Variants in VPS26A observed in about 807,000 individuals in gnomAD.
VPS26A encodes the protein VPS26 retromer complex component A, also known as vacuolar protein sorting-associated protein 26A.
A neutral mutation model predicts 42.4 loss-of-function variants in VPS26A; 22 were observed. The ratio of observed to expected loss-of-function variants is 0.52; its 90% CI spans 0.37 to 0.74. The LOEUF (loss-of-function observed/expected upper bound fraction) is 0.74, where lower values mean the gene tolerates loss of function less well. VPS26A is among the 30% of genes least tolerant of loss of function. The pLI is 0.00. For synonymous variants in VPS26A, 110 were observed against 123.5 expected (o/e 0.89, Z 0.73); for missense variants, 276 against 379.2 (o/e 0.73, Z 2.26).
chr10:69,161,743 T>G, intron 5 of VPS26A: 1 of 376,802 alleles, frequency 2.7e-6, no homozygotes, highest in South Asian at 2.4e-5. Context: ...CTCATCACAA[T>G]TAGATGCAAG....
At chr10:69,132,194 C>G (rs1840794269) in intron 1 of VPS26A, among the ~76,000 whole-genome samples, 1 of 152,066 alleles carries the variant, frequency 6.6e-6, no homozygotes, top group Non-Finnish European at 1.5e-5. Context: ...ATAAAAGAAC[C>G]TCATAAATAA....
At chr10:69,169,073 G>C (rs1841757064) in intron 8 of VPS26A, among the ~76,000 whole-genome samples, 1 of 146,246 alleles carries the variant, frequency 6.8e-6, no homozygotes, top group African/African-American at 2.5e-5. Flanking sequence ...TAGAGACAGA[G>C]TCTCACTGTG....
At position 69,132,954 on chromosome 10, in the gene VPS26A, T is replaced by TG; in HGVS notation, c.64dup (p.Glu22GlyfsTer11). On this transcript the variant is annotated frameshift_variant, in exon 2 of 9. Coordinates refer to ENST00000263559, the MANE Select transcript of VPS26A (RefSeq NM_004896.5). LOFTEE classifies it high-confidence loss of function. ...GTGAGATCGATATTGTTCTTAATGA[T>TG]GGGGAAACCAGGAAAATGGCAGAAA... is the stretch of plus-strand genomic sequence containing the variant. 6.2e-7 allele frequency: 1 copy of TG among 1,612,120 alleles called. No homozygotes were observed. Among genetic ancestry groups the TG allele is most frequent in the Non-Finnish European group, 8.5e-7 (1 of 1,179,612 alleles).
chr10:69,137,222 A>G (rs1840933367), intron 2 of VPS26A, among the ~76,000 whole-genome samples: 1 of 152,202 alleles, frequency 6.6e-6, no homozygotes, highest in Non-Finnish European at 1.5e-5. Flanking sequence ...TGCCCTATTG[A>G]AGCTCTAGTT....
intron 8 of VPS26A, 76 bp downstream of exon 8, chr10:69,168,707 A>C: frequency 6.5e-7 from 1 of 1,541,240 alleles, no homozygotes; most frequent in African/African-American, 1.4e-5. Context: ...TCTAAGCTTC[A>C]CTGTACTGAG....
chr10:69,156,585 C>G (rs917741399), intron 3 of VPS26A, among the ~76,000 whole-genome samples: 5 of 152,010 alleles, frequency 3.3e-5, no homozygotes, highest in Non-Finnish European at 7.4e-5. Context: ...CATGTCTATT[C>G]TGACTGAGAG....
At chr10:69,167,742 C>CAAAA (rs35974356) in intron 7 of VPS26A, among the ~76,000 whole-genome samples, 51 of 66,254 alleles carry the variant, frequency 7.7e-4, no homozygotes, top group Admixed American at 7.8e-4. Context: ...GACTCCATCT[C>CAAAA]AAAAAAAAAA....
At chr10:69,162,630 A>G in intron 6 of VPS26A, 118 bp downstream of exon 6, 1 of 553,012 alleles carries the variant, frequency 1.8e-6, no homozygotes, top group East Asian at 3.5e-5. Context: ...TTGCTAGTTA[A>G]TATTGCTGGC....
rs1337247171 is a variant in VPS26A, at chr10:69,155,793, T to C, written c.154-19T>C. On this transcript the variant is annotated intron_variant, in intron 2 of 8. Coordinates refer to ENST00000263559, the MANE Select transcript of VPS26A (RefSeq NM_004896.5). ...CTCATAGGATTGTTAACATCTCTTA[T>C]AATTTCATGTTTTGGCAGGTAAACC... 5.0e-6 allele frequency: 8 copies of C among 1,603,998 alleles called. No individual in the cohort carries two copies. The highest frequency in any genetic ancestry group is 6.8e-6 in the Non-Finnish European group (8 of 1,172,664).
intron 2 of VPS26A, among the ~76,000 whole-genome samples, chr10:69,138,562 A>G (rs977173473): frequency 6.6e-6 from 1 of 152,222 alleles, no homozygotes; most frequent in African/African-American, 2.4e-5. Flanking sequence ...AGTTGCATGC[A>G]AAGATTGCTC....
chr10:69,154,260 G>C (rs1458761539), intron 2 of VPS26A, among the ~76,000 whole-genome samples: 1 of 152,220 alleles, frequency 6.6e-6, no homozygotes, highest in Non-Finnish European at 1.5e-5. Context: ...GATCTGGCTG[G>C]GCGTGATGAC....
At position 69,157,180 on chromosome 10, in the gene VPS26A, T is replaced by C. The variant is rs554568241; in HGVS notation, c.386+17T>C. The stretch of plus-strand genomic sequence containing the variant: ...CCGCTTGAGGTATGAATGTGTATTA[T>C]AAACTGTAAACAGAATCAAAACCAG... On this transcript the variant is annotated intron_variant, in intron 4 of 8. Transcript: ENST00000263559. The C allele has an allele frequency of 1.1e-5, 17 of 1,589,516 alleles. No individual in the cohort carries two copies. The African/African-American group carries it at 2.2e-4, about 20-fold the overall frequency.
chr10:69,170,886 G>A (rs1841799065), intron 8 of VPS26A, among the ~76,000 whole-genome samples: 1 of 152,174 alleles, frequency 6.6e-6, no homozygotes. Context: ...TTAAAGGATG[G>A]ATTTGGGGAA....
At chr10:69,157,407 G>A (rs921559735) in intron 4 of VPS26A, among the ~76,000 whole-genome samples, 3 of 152,094 alleles carry the variant, frequency 2.0e-5, no homozygotes, top group African/African-American at 7.2e-5. Context: ...TGTCCCTTAC[G>A]TACTTCATTT....
At chr10:69,127,280 A>T (rs1840678314) in intron 1 of VPS26A, among the ~76,000 whole-genome samples, 1 of 150,606 alleles carries the variant, frequency 6.6e-6, no homozygotes, top group Non-Finnish European at 1.5e-5. Flanking sequence ...TAATGTAAAA[A>T]AACTGAATGT....
chr10:69,149,411 A>T (rs1221654263), intron 2 of VPS26A, among the ~76,000 whole-genome samples: 2 of 152,206 alleles, frequency 1.3e-5, no homozygotes, highest in Non-Finnish European at 2.9e-5. Flanking sequence ...GTCAAGAAAG[A>T]TGATGATTGA....
chr10:69,133,444 C>A, intron 2 of VPS26A: 1 of 698,324 alleles, frequency 1.4e-6, no homozygotes, highest in Non-Finnish European at 2.0e-6. Context: ...GAGTAATTCT[C>A]TGGTATAACT....
intron 6 of VPS26A, among the ~76,000 whole-genome samples, chr10:69,165,649 A>C (rs1841668598): frequency 6.6e-6 from 1 of 151,984 alleles, no homozygotes; most frequent in Non-Finnish European, 1.5e-5. Context: ...TCTATCCCAA[A>C]AAATACAAAA....
At chr10:69,142,326 G>A (rs959512557) in intron 2 of VPS26A, among the ~76,000 whole-genome samples, 5 of 150,862 alleles carry the variant, frequency 3.3e-5, no homozygotes, top group Admixed American at 6.7e-5. Context: ...AGCTGGGACC[G>A]CAGACATATG....
Sources: gnomAD v4.1 joint callset for allele counts (sites outside exome capture counted in the v4.1 genomes callset) on GRCh38, gnomAD v4.1.1 for gene constraint, MANE v1.5 for transcripts, NCBI Gene and HGNC (gene_info 2026-07-23, HGNC 2026-07-21) for gene names.